The following RIMKLA variants were observed in gnomAD, a reference collection of about 807,000 sequenced individuals.
RIMKLA encodes the protein ribosomal modification protein rimK like family member A.
RIMKLA carries 14 observed loss-of-function variants against 32.7 expected under a neutral mutation model. That is an observed-to-expected ratio of 0.43 (90% CI 0.28 to 0.67). The LOEUF is 0.67. Ranked by LOEUF, RIMKLA falls within the 30% of genes least tolerant of loss-of-function variation. The pLI, the probability that RIMKLA is intolerant of heterozygous loss-of-function variation, is 0.18. For synonymous variants in RIMKLA, 176 were observed against 204.1 expected (o/e 0.86, Z 1.18); for missense variants, 410 against 519.0 (o/e 0.79, Z 2.04).
At chr1:42,413,133 CAAATAAAT>C (rs368162189) in intron 4 of RIMKLA, among the ~76,000 whole-genome samples, 2 of 150,396 alleles carry the variant, frequency 1.3e-5, no homozygotes, top group Non-Finnish European at 3.0e-5. Flanking sequence ...GACTCTGTCT[CAAATAAAT>C]AAATAAATAA....
At chr1:42,389,758 G>C (rs1642984504) in intron 1 of RIMKLA, among the ~76,000 whole-genome samples, 2 of 152,078 alleles carry the variant, frequency 1.3e-5, no homozygotes, top group Non-Finnish European at 2.9e-5. Context: ...AGGTTACAGT[G>C]AGCAGAGATC....
chr1:42,414,158 T>G (rs888813343), intron 4 of RIMKLA, among the ~76,000 whole-genome samples: 6 of 152,050 alleles, frequency 3.9e-5, no homozygotes, highest in African/African-American at 7.2e-5. Flanking sequence ...GAATATTTAT[T>G]AAGTGCCCAT....
rs1486766564 is a variant in RIMKLA, at chr1:42,418,289, C to T, written c.*3315C>T. ...ACGATTCTGCACTTGGGAAAAATGT[C>T]TTCATGCTGTTTTTCTGATCGGGTA... On this transcript the variant is annotated 3_prime_UTR_variant, in exon 5 of 5. Coordinates refer to ENST00000431473, the MANE Select transcript of RIMKLA (RefSeq NM_173642.4). 6.6e-6 allele frequency: 1 copy of T among 152,170 alleles called. No individual in the cohort carries two copies. The highest frequency in any genetic ancestry group is 2.4e-5 in the African/African-American group (1 of 41,410). The allele number at this position is 152,170 out of a possible 1,614,324, so 9.4% of individuals were successfully genotyped here. A position where few individuals can be genotyped will look rare whatever the true frequency, so the allele number is the denominator to read the frequency against.
Position 42,416,372 on chromosome 1 carries a change from G to A in RIMKLA, c.*1398G>A, listed in dbSNP as rs1557759995. 2 of 152,088 alleles carry A rather than the reference G, an allele frequency of 1.3e-5. No individual in the cohort carries two copies. Among genetic ancestry groups the A allele is most frequent in the Non-Finnish European group, 2.9e-5 (2 of 68,026 alleles). 9.4% of individuals were successfully genotyped at this position (152,088 alleles called of 1,614,324 possible). On this transcript the variant is annotated 3_prime_UTR_variant, in exon 5 of 5. Transcript: ENST00000431473. ...CCTTTGAAGCCATGCAAGGCAAGAGGCCTCACAACTTTATAGTCAGACCTT... is the reference window on the plus strand; with the variant it reads ...CCTTTGAAGCCATGCAAGGCAAGAGACCTCACAACTTTATAGTCAGACCTT...
At chr1:42,384,634 G>A (rs201172049) in intron 1 of RIMKLA, among the ~76,000 whole-genome samples, 5 of 147,220 alleles carry the variant, frequency 3.4e-5, no homozygotes, top group Admixed American at 1.4e-4. Flanking sequence ...ATGTGTGTGT[G>A]TATATATATA....
chr1:42,381,279 C>T (rs1642886735), intron 1 of RIMKLA, among the ~76,000 whole-genome samples, 182 bp downstream of exon 1: 1 of 152,214 alleles, frequency 6.6e-6, no homozygotes, highest in Non-Finnish European at 1.5e-5. Context: ...GCTTCTTTAA[C>T]CACCACCACC....
chr1:42,411,424 C>T (rs1431870022), intron 4 of RIMKLA, among the ~76,000 whole-genome samples: 2 of 151,230 alleles, frequency 1.3e-5, no homozygotes, highest in Non-Finnish European at 2.9e-5. Flanking sequence ...TGACACACTA[C>T]TAAGTACCTT....
chr1:42,405,659 A>G (rs1222561649), intron 3 of RIMKLA, among the ~76,000 whole-genome samples: 2 of 152,218 alleles, frequency 1.3e-5, no homozygotes, highest in Non-Finnish European at 2.9e-5. Context: ...CAAAAAACAA[A>G]AAAACAAAAA....
Position 42,381,062 on chromosome 1 carries a change from AC to A in RIMKLA, c.130del (p.Gln44ArgfsTer15). On this transcript the variant is annotated frameshift_variant, in exon 1 of 5. Transcript: ENST00000431473. LOFTEE classifies it high-confidence loss of function. ...GTGCGCTTCCGGGCGGTGCTTATGG[AC>A]CAGATCGCCGTCACCATCGTCGGCG... ...QDVRFRAVLM[D>X]QIAVTIVGGH... is the part of the protein sequence containing the mutation. 1 of 1,309,310 alleles carries A rather than the reference AC, an allele frequency of 7.6e-7. No individual in the cohort carries two copies. The allele number at this position is 1,309,310 out of a possible 1,614,324, so 81.1% of individuals were successfully genotyped here. A position where few individuals can be genotyped will look rare whatever the true frequency, so the allele number is the denominator to read the frequency against.
intron 1 of RIMKLA, among the ~76,000 whole-genome samples, chr1:42,382,839 A>G (rs746265512): frequency 4.6e-5 from 7 of 152,012 alleles, no homozygotes; most frequent in South Asian, 4.1e-4. Context: ...ACCTTAATCT[A>G]TTCACAAACC....
At chr1:42,384,120 G>A (rs1010247981) in intron 1 of RIMKLA, among the ~76,000 whole-genome samples, 1 of 152,140 alleles carries the variant, frequency 6.6e-6, no homozygotes, top group African/African-American at 2.4e-5. Context: ...CTCCCTGGAG[G>A]CTAGTGGGAG....
At chr1:42,411,026 G>A (rs879510760) in intron 4 of RIMKLA, among the ~76,000 whole-genome samples, 4 of 152,190 alleles carry the variant, frequency 2.6e-5, no homozygotes, top group Non-Finnish European at 5.9e-5. Flanking sequence ...CAGGTAGCAC[G>A]TGGTCCCATA....
intron 4 of RIMKLA, chr1:42,412,427 C>T: frequency 7.0e-6 from 2 of 286,750 alleles, no homozygotes; most frequent in Non-Finnish European, 1.4e-5. Context: ...ATTTTCCCAC[C>T]TGTGTATTTT....
chr1:42,401,490 G>A (rs925868164), intron 2 of RIMKLA, among the ~76,000 whole-genome samples: 17 of 152,084 alleles, frequency 1.1e-4, no homozygotes, highest in African/African-American at 3.1e-4. Flanking sequence ...GGCAACTTGA[G>A]AGGTGAGAAG....
chr1:42,398,412 T>C (rs1425864407), intron 1 of RIMKLA, among the ~76,000 whole-genome samples: 1 of 152,224 alleles, frequency 6.6e-6, no homozygotes, highest in East Asian at 1.9e-4. Context: ...TGATTTTTAG[T>C]AGACTGATTT....
rs1436937472 is a variant in RIMKLA, at chr1:42,419,556, A to G, written c.*4582A>G. 2.0e-5 allele frequency: 3 copies of G among 152,310 alleles called. No individual in the cohort carries two copies. The highest frequency in any genetic ancestry group is 7.2e-5 in the African/African-American group (3 of 41,466). 9.4% of individuals were successfully genotyped at this position (152,310 alleles called of 1,614,324 possible). A position where few individuals can be genotyped will look rare whatever the true frequency, so the allele number is the denominator to read the frequency against. Reference sequence around the variant, plus strand: ...CTCATCCACTTTGGCATACTGCCAGAGGTAGCTCCATCCCTCCCTGGAATC... The same window carrying G: ...CTCATCCACTTTGGCATACTGCCAGGGGTAGCTCCATCCCTCCCTGGAATC... On this transcript the variant is annotated 3_prime_UTR_variant, in exon 5 of 5. Transcript: ENST00000431473.
chr1:42,393,613 C>A (rs920874742), intron 1 of RIMKLA, among the ~76,000 whole-genome samples: 1 of 135,386 alleles, frequency 7.4e-6, no homozygotes, highest in Non-Finnish European at 1.7e-5. Context: ...GGTGTGGCAT[C>A]TACTTGTTAA....
At chr1:42,392,921 G>A (rs1335412977) in intron 1 of RIMKLA, among the ~76,000 whole-genome samples, 5 of 152,194 alleles carry the variant, frequency 3.3e-5, no homozygotes, top group Admixed American at 3.3e-4. Flanking sequence ...GAGCCCGGGA[G>A]GCAGGGGTTG....
intron 1 of RIMKLA, among the ~76,000 whole-genome samples, chr1:42,388,532 T>G (rs955919745): frequency 6.6e-6 from 1 of 150,458 alleles, no homozygotes; most frequent in Non-Finnish European, 1.5e-5. Context: ...TTTTTTTTTT[T>G]TTTTTGAGAT....
Sources: gnomAD v4.1 joint callset for allele counts (sites outside exome capture counted in the v4.1 genomes callset) on GRCh38, gnomAD v4.1.1 for gene constraint, MANE v1.5 for transcripts, NCBI Gene and HGNC (gene_info 2026-07-23, HGNC 2026-07-21) for gene names.